Variants in DAZAP1 observed in about 807,000 individuals in gnomAD.
The protein encoded by DAZAP1 is DAZ-associated protein 1.
In DAZAP1, 6 loss-of-function variants were observed where a neutral mutation model predicts 60.1. That is an observed-to-expected ratio of 0.10 (90% CI 0.05 to 0.20). DAZAP1 has a LOEUF of 0.20. Among genes scored for constraint, DAZAP1 ranks in the 10% least tolerant of loss-of-function variants. DAZAP1 has a pLI of 1.00. For missense variants in DAZAP1, 366 were observed against 560.4 expected, an observed-to-expected ratio of 0.65 and a Z score of 3.50; for synonymous variants, 235 against 215.9, an observed-to-expected ratio of 1.09 and a Z score of -0.78.
chr19:1,413,797 C>T (rs1029284226), intron 1 of DAZAP1, among the ~76,000 whole-genome samples: 5 of 152,182 alleles, frequency 3.3e-5, no homozygotes, highest in Non-Finnish European at 7.3e-5. Context: ...AGGACTGAGA[C>T]TTGTTTCAAA....
At chr19:1,411,854 AC>A (rs1173411387) in intron 1 of DAZAP1, among the ~76,000 whole-genome samples, 3 of 152,118 alleles carry the variant, frequency 2.0e-5, no homozygotes, top group Non-Finnish European at 4.4e-5. Flanking sequence ...TCATGGTGCG[AC>A]CCGTCAATCT....
chr19:1,429,917 G>T, intron 8 of DAZAP1, 50 bp from the exon 9 acceptor site: 1 of 1,552,868 alleles, frequency 6.4e-7, no homozygotes, highest in South Asian at 1.2e-5. Context: ...TCTCTGCGTC[G>T]GACAGCTGGT....
In DAZAP1 at chr19:1,425,523, C is replaced by T. The variant is rs955467073; in HGVS notation, c.464-355C>T. On this transcript the variant is annotated intron_variant, in intron 6 of 11. Coordinates refer to ENST00000233078, the MANE Select transcript of DAZAP1 (RefSeq NM_018959.4). This position sits in a 1 kb window ranked among gnomAD's most constrained non-coding sequence, Gnocchi z 5.4. ...TGGGGGGCGCTTTGTCTGCCAGTAG[C>T]GATGGAGGCCCTCACCGTTCCCCTG... Among the ~76,000 whole-genome samples the T allele has an allele frequency of 2.6e-5, 4 of 152,212 alleles. No homozygotes were observed. Among genetic ancestry groups the T allele is most frequent in the Admixed American group, 1.3e-4 (2 of 15,284 alleles).
At chr19:1,419,915 T>C (rs4807926) in intron 4 of DAZAP1, among the ~76,000 whole-genome samples, 4,487 of 55,694 alleles carry the variant, frequency 0.081, 440 homozygotes, top group East Asian at 0.33. Flanking sequence ...ACCATCCCGA[T>C]CGTCAACGGC....
rs2083482290 is a variant in DAZAP1, at chr19:1,432,626, T to G, written c.984T>G (p.Ser328=). ...CTCTGGCTTTCCCACCGCCTCCGTC[T>G]CAGGCTGCCCCGGACATGAGCAAGC... ...AAPLAFPPPP[S]QAAPDMSKPP... The change falls in exon 11 of 12, where the codon TCT becomes TCG. Residue 328 remains serine (S), a synonymous_variant. Transcript: ENST00000233078. This position sits in a 1 kb window ranked among gnomAD's most constrained non-coding sequence, Gnocchi z 4.9. 2 of 1,613,422 alleles carry G rather than the reference T, an allele frequency of 1.2e-6. No homozygotes were observed. Among genetic ancestry groups the G allele is most frequent in the African/African-American group, 2.7e-5 (2 of 74,888 alleles).
At chr19:1,415,046 C>T (rs1163045937) in intron 1 of DAZAP1, among the ~76,000 whole-genome samples, 2 of 152,008 alleles carry the variant, frequency 1.3e-5, no homozygotes, top group African/African-American at 4.8e-5. Flanking sequence ...TGATTATAGG[C>T]GTGATCTGCG....
chr19:1,432,038 A>C lies in DAZAP1; in HGVS notation c.872-476A>C. ...ACTGACAGGAGGGGAGTTGGGTGGA[A>C]CCTCGGCCTGCCTGATATCCAGCAA... On this transcript the variant is annotated intron_variant, in intron 10 of 11. Transcript: ENST00000233078. The surrounding 1 kb of genome is among the most constrained non-coding windows in gnomAD (Gnocchi z 4.9). 1 of 169,828 alleles carries C rather than the reference A, an allele frequency of 5.9e-6. No homozygotes were observed. The highest frequency in any genetic ancestry group is 1.3e-5 in the Non-Finnish European group (1 of 78,998). 10.5% of individuals were successfully genotyped at this position (169,828 alleles called of 1,614,324 possible).
At chr19:1,419,366 C>T (rs1015824625) in intron 4 of DAZAP1, among the ~76,000 whole-genome samples, 1 of 152,252 alleles carries the variant, frequency 6.6e-6, no homozygotes, top group Non-Finnish European at 1.5e-5. Context: ...TGGAGGCCTG[C>T]TGAGGCACCG....
rs2083566582 is a variant in DAZAP1, at chr19:1,435,121, A to C, written c.*209A>C. On this transcript the variant is annotated 3_prime_UTR_variant, in exon 12 of 12. Transcript: ENST00000233078. ...CTAACCCATCAGCACAATAAAAAAAAGTCACTGGTTCAACAACAGGGTTTA... is the reference window on the plus strand; with the variant it reads ...CTAACCCATCAGCACAATAAAAAAACGTCACTGGTTCAACAACAGGGTTTA... 2 of 358,670 alleles carry C rather than the reference A, an allele frequency of 5.6e-6. No individual in the cohort carries two copies. The highest frequency in any genetic ancestry group is 9.8e-6 in the Non-Finnish European group (2 of 203,790). The allele number at this position is 358,670 out of a possible 1,614,324, so 22.2% of individuals were successfully genotyped here. A position where few individuals can be genotyped will look rare whatever the true frequency, so the allele number is the denominator to read the frequency against.
At chr19:1,424,643 C>T (rs915602678) in intron 6 of DAZAP1, among the ~76,000 whole-genome samples, 6 of 151,746 alleles carry the variant, frequency 4.0e-5, no homozygotes, top group East Asian at 2.0e-4. Flanking sequence ...CCACCCCCCA[C>T]GGCCCTTCTC....
chr19:1,425,061 G>C lies in DAZAP1; in HGVS notation c.464-817G>C, dbSNP rs2083273090. On this transcript the variant is annotated intron_variant, in intron 6 of 11. Coordinates refer to ENST00000233078, the MANE Select transcript of DAZAP1 (RefSeq NM_018959.4). The surrounding 1 kb of genome is among the most constrained non-coding windows in gnomAD (Gnocchi z 5.4). Reference sequence around the variant, plus strand: ...ATTTTTTTTGCCTTTAAAATTTTCTGTTTTGATCCCATGGTGCATCTCGCT... The same window carrying C: ...ATTTTTTTTGCCTTTAAAATTTTCTCTTTTGATCCCATGGTGCATCTCGCT... Among the ~76,000 whole-genome samples, 1 of 152,210 alleles carries C rather than the reference G, an allele frequency of 6.6e-6. No individual in the cohort carries two copies. The highest frequency in any genetic ancestry group is 1.9e-4 in the East Asian group (1 of 5,188).
At chr19:1,415,394 G>GTT (rs3837987) in intron 1 of DAZAP1, among the ~76,000 whole-genome samples, 990 of 69,796 alleles carry the variant, frequency 0.014, 44 homozygotes, top group Admixed American at 0.063. Flanking sequence ...TGTGTGTTTT[G>GTT]TTTTTTTTTT....
chr19:1,415,270 CCTGGCTGTTGG>C (rs1461970768), intron 1 of DAZAP1, among the ~76,000 whole-genome samples: 4 of 150,740 alleles, frequency 2.7e-5, no homozygotes, highest in Non-Finnish European at 5.9e-5. Context: ...CTGCCTGTTA[CCTGGCTGTTGG>C]GTGGGTGCAG....
Position 1,428,761 on chromosome 19 carries a change from A to G in DAZAP1, c.547-81A>G. ...GTTGTAAGATGCTAAGTGTAGTCAT[A>G]AGTTACCCGAGGGTGTGTCTAAAGG... On this transcript the variant is annotated intron_variant, in intron 7 of 11. Coordinates refer to ENST00000233078, the MANE Select transcript of DAZAP1 (RefSeq NM_018959.4). This position sits in a 1 kb window ranked among gnomAD's most constrained non-coding sequence, Gnocchi z 4.0. The G allele has an allele frequency of 6.5e-7, 1 of 1,540,348 alleles. No individual in the cohort carries two copies. Among genetic ancestry groups the G allele is most frequent in the Middle Eastern group, 1.7e-4 (1 of 5,808 alleles).
Position 1,418,224 on chromosome 19 carries a change from T to G in DAZAP1, c.91T>G (p.Ser31Ala). 1 of 1,614,176 alleles carries G rather than the reference T, an allele frequency of 6.2e-7. No individual in the cohort carries two copies. Among genetic ancestry groups the G allele is most frequent in the Non-Finnish European group, 8.5e-7 (1 of 1,180,018 alleles). The change falls in exon 3 of 12, where the codon TCC becomes GCC. Residue 31 changes from serine to alanine, a missense_variant. Ser to Ala is a moderately conservative substitution (Grantham distance 99). Transcript: ENST00000233078. The surrounding 1 kb of genome is among the most constrained non-coding windows in gnomAD (Gnocchi z 5.7). ...AGCAGAGACTCTGCGCAGCTACTTT[T>G]CCCAATATGGAGAAGTCGTAGATTG... ...TTQETLRSYF[S>A]QYGEVVDCVI...
chr19:1,434,632 G>T lies in DAZAP1; in HGVS notation c.1049-105G>T. The T allele has an allele frequency of 1.6e-6, 2 of 1,274,532 alleles. No individual in the cohort carries two copies. The highest frequency in any genetic ancestry group is 2.2e-6 in the Non-Finnish European group (2 of 902,288). 79.0% of individuals were successfully genotyped at this position (1,274,532 alleles called of 1,614,324 possible). On this transcript the variant is annotated intron_variant, in intron 11 of 11. Coordinates refer to ENST00000233078, the MANE Select transcript of DAZAP1 (RefSeq NM_018959.4). This position sits in a 1 kb window ranked among gnomAD's most constrained non-coding sequence, Gnocchi z 8.0. Reference sequence around the variant, plus strand: ...GCCCCACCCGCACCCCGTGGGACCCGTGGACTCAAGGCAGGCTCGGCGGAG... The same window carrying T: ...GCCCCACCCGCACCCCGTGGGACCCTTGGACTCAAGGCAGGCTCGGCGGAG...
In DAZAP1 at chr19:1,422,313, C is replaced by G; in HGVS notation, c.415-35C>G. On this transcript the variant is annotated intron_variant, in intron 5 of 11. Transcript: ENST00000233078. This position sits in a 1 kb window ranked among gnomAD's most constrained non-coding sequence, Gnocchi z 4.5. ...CGGAAGACCACCTGTGGTGCTGGCC[C>G]TGGTGTCCGTGCTGACGCCACCCTC... The G allele has an allele frequency of 6.2e-7, 1 of 1,608,854 alleles. No homozygotes were observed. Among genetic ancestry groups the G allele is most frequent in the Non-Finnish European group, 8.5e-7 (1 of 1,175,560 alleles).
rs542685397 is a variant in DAZAP1 at position 1,433,907 on chromosome 19, C to T, written c.1049-830C>T. On this transcript the variant is annotated intron_variant, in intron 11 of 11. Coordinates refer to ENST00000233078, the MANE Select transcript of DAZAP1 (RefSeq NM_018959.4). This position sits in a 1 kb window ranked among gnomAD's most constrained non-coding sequence, Gnocchi z 6.1. The stretch of plus-strand genomic sequence containing the variant: ...ACGTGGCTTCCTCTGCCGTCCCGGG[C>T]GGGGGTGGACGCTGGCGGTGCCCTC... 6.1e-5 allele frequency: 80 copies of T among 1,307,588 alleles called. 1 individual carries two copies. Among genetic ancestry groups the T allele is most frequent in the South Asian group, 5.7e-4 (48 of 83,968 alleles). 81.0% of individuals were successfully genotyped at this position (1,307,588 alleles called of 1,614,324 possible).
rs1163322340 is a variant in DAZAP1 at position 1,418,086 on chromosome 19, A to G, written c.71-118A>G. 7 of 1,029,864 alleles carry G rather than the reference A, an allele frequency of 6.8e-6. No individual in the cohort carries two copies. Among genetic ancestry groups the G allele is most frequent in the Non-Finnish European group, 1.0e-5 (7 of 689,022 alleles). 63.8% of individuals were successfully genotyped at this position (1,029,864 alleles called of 1,614,324 possible). A position where few individuals can be genotyped will look rare whatever the true frequency, so the allele number is the denominator to read the frequency against. ...CCCGTACACCCCCCACCCCCAGTGC[A>G]GCATCGCTCGGTGCGTGGCTGGTGG... On this transcript the variant is annotated intron_variant, in intron 2 of 11. Coordinates refer to ENST00000233078, the MANE Select transcript of DAZAP1 (RefSeq NM_018959.4). The surrounding 1 kb of genome is among the most constrained non-coding windows in gnomAD (Gnocchi z 5.7).
Sources: gnomAD v4.1 joint callset for allele counts (sites outside exome capture counted in the v4.1 genomes callset) on GRCh38, gnomAD v4.1.1 for gene constraint, Gnocchi (gnomAD v3.1) non-coding constraint, MANE v1.5 for transcripts, NCBI Gene and HGNC (gene_info 2026-07-23, HGNC 2026-07-21) for gene names.